The following EYA1 variants were observed in gnomAD, a reference collection of about 807,000 sequenced individuals.
EYA1 encodes EYA transcriptional coactivator and phosphatase 1.
In EYA1, 16 loss-of-function variants were observed where a neutral mutation model predicts 82.0. The observed-to-expected ratio is 0.20, with a 90% CI of 0.13 to 0.30. The LOEUF (loss-of-function observed/expected upper bound fraction) is 0.30. Ranked by LOEUF, EYA1 falls within the 10% of genes least tolerant of loss-of-function variation. The pLI, the probability that EYA1 is intolerant of heterozygous loss-of-function variation, is 1.00. For synonymous variants in EYA1, 261 were observed against 264.4 expected (o/e 0.99, Z 0.12); for missense variants, 633 against 730.7 (o/e 0.87, Z 1.54).
At chr8:71,225,166 A>G (rs1810406120) in intron 12 of EYA1, 1 of 454,986 alleles carries the variant, frequency 2.2e-6, no homozygotes, top group East Asian at 7.0e-5. Flanking sequence ...GCAGAACAGC[A>G]TGATTCCATT....
At chr8:71,267,049 G>T (rs1339275133) in intron 11 of EYA1, among the ~76,000 whole-genome samples, 5 of 151,986 alleles carry the variant, frequency 3.3e-5, no homozygotes, top group African/African-American at 9.7e-5. Context: ...CCTCCAATTT[G>T]GACCCCCATT....
chr8:71,503,224 G>A (rs182081479), intron 2 of EYA1, among the ~76,000 whole-genome samples: 4 of 152,188 alleles, frequency 2.6e-5, no homozygotes, highest in East Asian at 1.9e-4. Context: ...AGCTGGGTGC[G>A]GTGGCTCATG....
chr8:71,510,954 C>CT (rs957375014), intron 2 of EYA1, among the ~76,000 whole-genome samples: 11 of 151,930 alleles, frequency 7.2e-5, no homozygotes, highest in Admixed American at 7.2e-4. Flanking sequence ...GGGAGGGAGT[C>CT]TTTTCTCCTT....
At chr8:71,531,619 A>C (rs1814286625) in intron 2 of EYA1, among the ~76,000 whole-genome samples, 1 of 152,204 alleles carries the variant, frequency 6.6e-6, no homozygotes, top group Non-Finnish European at 1.5e-5. Context: ...AAACTGAAAG[A>C]AGCGGTTATA....
At chr8:71,457,096 C>T (rs1253021881) in intron 2 of EYA1, among the ~76,000 whole-genome samples, 8 of 152,254 alleles carry the variant, frequency 5.3e-5, no homozygotes, top group South Asian at 2.1e-4. Context: ...AAAAAGTGGG[C>T]AAAGGATATG....
intron 2 of EYA1, among the ~76,000 whole-genome samples, chr8:71,455,674 A>G (rs1807832527): frequency 6.6e-6 from 1 of 152,210 alleles, no homozygotes; most frequent in South Asian, 2.1e-4. Flanking sequence ...ATTATTCAAC[A>G]TATGCAGAAA....
In EYA1 at chr8:71,361,646, C is replaced by G; in HGVS notation, c.-55+1G>C. ...TTTTCAAACAGTCAGCTTGTACTTA[C>G]AGCGCTTACATCTGCTGCATCCACC... On this transcript the variant is annotated splice_donor_variant, in intron 1 of 17. Transcript: ENST00000340726. LOFTEE classifies it low-confidence loss of function (5UTR_SPLICE). 1.0e-6 allele frequency: 1 copy of G among 985,194 alleles called. No homozygotes were observed. The highest frequency in any genetic ancestry group is 1.2e-6 in the Non-Finnish European group (1 of 829,656). 61.0% of individuals were successfully genotyped at this position (985,194 alleles called of 1,614,324 possible).
chr8:71,243,583 TG>T (rs937286558), intron 12 of EYA1, among the ~76,000 whole-genome samples: 212 of 152,338 alleles, frequency 1.4e-3, no homozygotes, highest in African/African-American at 4.7e-3. Context: ...AATTCGTCTT[TG>T]AGTAGTTTCA....
Position 71,296,073 on chromosome 8 carries a change from T to C in EYA1, c.826+2974A>G, listed in dbSNP as rs144590295. On this transcript the variant is annotated intron_variant, in intron 9 of 17. Coordinates refer to ENST00000340726, the MANE Select transcript of EYA1 (RefSeq NM_000503.6). ...CTGCAGATTATGTGAATTTTTTTAATTAAGATAGTGAAGAAAGAGCTAACA... is the reference window on the plus strand; with the variant it reads ...CTGCAGATTATGTGAATTTTTTTAACTAAGATAGTGAAGAAAGAGCTAACA... Among the ~76,000 whole-genome samples, 623 of 152,298 alleles carry C rather than the reference T, an allele frequency of 4.1e-3. 4 individuals carry two copies. Among genetic ancestry groups the C allele is most frequent in the Non-Finnish European group, 7.2e-3 (490 of 68,000 alleles).
At chr8:71,356,728 G>A in intron 1 of EYA1, 4 of 1,227,208 alleles carry the variant, frequency 3.3e-6, no homozygotes, top group South Asian at 6.9e-5. Flanking sequence ...CTTGTCAGGG[G>A]GGGAAGGCAG....
chr8:71,501,982 C>T (rs1811845358), intron 2 of EYA1, among the ~76,000 whole-genome samples: 1 of 152,170 alleles, frequency 6.6e-6, no homozygotes, highest in Non-Finnish European at 1.5e-5. Flanking sequence ...ATTCCAGGAC[C>T]TACTAACAGT....
chr8:71,407,461 A>G (rs1029446683), intron 2 of EYA1, among the ~76,000 whole-genome samples: 2 of 150,694 alleles, frequency 1.3e-5, no homozygotes, highest in Non-Finnish European at 2.9e-5. Context: ...AAGGCAAAGA[A>G]GTTGAAAACT....
At chr8:71,400,766 C>A (rs1231189972) in intron 2 of EYA1, among the ~76,000 whole-genome samples, 1 of 152,106 alleles carries the variant, frequency 6.6e-6, no homozygotes, top group Non-Finnish European at 1.5e-5. Flanking sequence ...TACCATTTGA[C>A]CTATCAATCC....
intron 7 of EYA1, 67 bp from the exon 8 acceptor site, chr8:71,299,787 G>A: frequency 1.2e-6 from 1 of 869,210 alleles, no homozygotes; most frequent in South Asian, 1.3e-5. Flanking sequence ...CAGGAAAATA[G>A]CATTTAGAAA....
intron 2 of EYA1, among the ~76,000 whole-genome samples, chr8:71,532,897 T>C (rs1483894003): frequency 2.0e-5 from 3 of 152,202 alleles, no homozygotes; most frequent in Non-Finnish European, 4.4e-5. Context: ...ATACTTAATA[T>C]ATTTTTAAAA....
chr8:71,282,664 C>T (rs1817941410), intron 9 of EYA1, among the ~76,000 whole-genome samples: 1 of 152,200 alleles, frequency 6.6e-6, no homozygotes, highest in Non-Finnish European at 1.5e-5. Flanking sequence ...CTGGCTCTTC[C>T]TCTTTTCCCA....
intron 12 of EYA1, among the ~76,000 whole-genome samples, chr8:71,233,369 C>T (rs561259663): frequency 6.6e-6 from 1 of 152,054 alleles, no homozygotes; most frequent in South Asian, 2.1e-4. Flanking sequence ...TCGAGACCAT[C>T]CTGGCTAACA....
intron 3 of EYA1, among the ~76,000 whole-genome samples, chr8:71,339,726 T>C (rs1824910382): frequency 6.6e-6 from 1 of 152,194 alleles, no homozygotes; most frequent in Non-Finnish European, 1.5e-5. Flanking sequence ...CAAGAAGACT[T>C]TCCCAATTGC....
chr8:71,515,485 A>T (rs894606971), intron 2 of EYA1, among the ~76,000 whole-genome samples: 3 of 152,168 alleles, frequency 2.0e-5, no homozygotes, highest in Admixed American at 6.6e-5. Context: ...TATCAAAAAA[A>T]AAAGCCAATT....
Sources: gnomAD v4.1 joint callset for allele counts (sites outside exome capture counted in the v4.1 genomes callset) on GRCh38, gnomAD v4.1.1 for gene constraint, MANE v1.5 for transcripts, NCBI Gene and HGNC (gene_info 2026-07-23, HGNC 2026-07-21) for gene names.